The following CSMD1 variants were observed in gnomAD, a reference collection of about 807,000 sequenced individuals.
The protein encoded by CSMD1 is CUB and Sushi multiple domains 1.
Under a neutral mutation model 417.5 loss-of-function variants are expected in CSMD1, and 213 were observed. The observed-to-expected ratio is 0.51, with a 90% CI of 0.46 to 0.57. CSMD1 has a LOEUF of 0.57. CSMD1 is among the 20% of genes least tolerant of loss of function. The pLI, the probability that CSMD1 is intolerant of heterozygous loss-of-function variation, is 0.00. For missense variants in CSMD1, 6,923 were observed against 4,529.7 expected, an observed-to-expected ratio of 1.53 and a Z score of -15.17; for synonymous variants, 2,862 against 1,736.8, an observed-to-expected ratio of 1.65 and a Z score of -16.11.
intron 7 of CSMD1, among the ~76,000 whole-genome samples, chr8:3,630,863 T>C (rs989501136): frequency 6.6e-6 from 1 of 152,098 alleles, no homozygotes; most frequent in African/African-American, 2.4e-5. Context: ...AGAGGAAACC[T>C]CAGTTGGTCT....
At chr8:3,469,089 C>T (rs1250917433) in intron 11 of CSMD1, 2 of 308,752 alleles carry the variant, frequency 6.5e-6, no homozygotes, top group Non-Finnish European at 1.2e-5. Context: ...ATCAACCATC[C>T]CATTTTCCTG....
chr8:4,408,752 G>T (rs17070157), intron 3 of CSMD1, among the ~76,000 whole-genome samples: 1 of 151,960 alleles, frequency 6.6e-6, no homozygotes, highest in African/African-American at 2.4e-5. Flanking sequence ...AGTATCTATT[G>T]TGCAGGTGAG....
chr8:3,494,554 T>TGATA (rs71199579), intron 10 of CSMD1, among the ~76,000 whole-genome samples: 3,740 of 145,688 alleles, frequency 0.026, 50 homozygotes, highest in Middle Eastern at 0.057. Context: ...ACAGATTAGA[T>TGATA]GATAGATAGA....
intron 49 of CSMD1, among the ~76,000 whole-genome samples, chr8:3,069,697 G>A (rs964574577): frequency 2.0e-5 from 3 of 152,152 alleles, no homozygotes; most frequent in African/African-American, 7.2e-5. Context: ...GGGGCAAACT[G>A]CTTGTAGATC....
chr8:4,953,697 T>C (rs1808896474), intron 1 of CSMD1, among the ~76,000 whole-genome samples: 1 of 152,202 alleles, frequency 6.6e-6, no homozygotes, highest in Non-Finnish European at 1.5e-5. Flanking sequence ...AATATGCTAT[T>C]TTTACATGTT....
intron 3 of CSMD1, among the ~76,000 whole-genome samples, chr8:4,114,600 C>T (rs1402137567): frequency 2.6e-5 from 4 of 152,004 alleles, no homozygotes; most frequent in East Asian, 1.9e-4. Context: ...AGGGATTCTT[C>T]GATGGACTTG....
At chr8:4,406,690 A>G (rs1805048948) in intron 3 of CSMD1, among the ~76,000 whole-genome samples, 1 of 152,284 alleles carries the variant, frequency 6.6e-6, no homozygotes, top group African/African-American at 2.4e-5. Flanking sequence ...AAACTACACA[A>G]AGAAAACTTT....
chr8:4,066,241 C>G (rs1010021175), intron 3 of CSMD1, among the ~76,000 whole-genome samples: 13 of 152,206 alleles, frequency 8.5e-5, no homozygotes, highest in Non-Finnish European at 1.5e-5. Context: ...CCTTCTTTGT[C>G]TCCTGTTCCC....
At chr8:4,606,948 C>T (rs879518576) in intron 2 of CSMD1, among the ~76,000 whole-genome samples, 26 of 152,290 alleles carry the variant, frequency 1.7e-4, no homozygotes, top group South Asian at 6.2e-4. Flanking sequence ...TATAATTCAT[C>T]CTTTTCTTTT....
intron 3 of CSMD1, among the ~76,000 whole-genome samples, chr8:4,390,662 C>A (rs974045660): frequency 2.6e-5 from 4 of 151,738 alleles, no homozygotes; most frequent in Admixed American, 2.0e-4. Context: ...GACAGGCACC[C>A]CCCACCACGC....
intron 5 of CSMD1, among the ~76,000 whole-genome samples, chr8:3,862,918 TTGTC>T (rs1378460488): frequency 6.6e-6 from 1 of 152,116 alleles, no homozygotes; most frequent in African/African-American, 2.4e-5. Context: ...CAAATTACAT[TTGTC>T]TGGGGATTTT....
chr8:4,155,032 C>T (rs1295960459), intron 3 of CSMD1, among the ~76,000 whole-genome samples: 1 of 152,204 alleles, frequency 6.6e-6, no homozygotes, highest in Non-Finnish European at 1.5e-5. Flanking sequence ...CATCACAGAA[C>T]CTAACACTGC....
At chr8:4,576,924 G>A (rs73500536) in intron 2 of CSMD1, among the ~76,000 whole-genome samples, 2,412 of 152,198 alleles carry the variant, frequency 0.016, 54 homozygotes, top group African/African-American at 0.055. Flanking sequence ...TGATTATTTA[G>A]ATTTACTTAT....
Position 4,903,486 on chromosome 8 carries a change from A to C in CSMD1, c.85+90846T>G, listed in dbSNP as rs549889074. On this transcript the variant is annotated intron_variant, in intron 1 of 69. Coordinates refer to ENST00000635120, the MANE Select transcript of CSMD1 (RefSeq NM_033225.6). ...CCAATTGTACAAATGTATATCGTTA[A>C]TGTTTTATGAGCTATGTTGTTTAAA... Among the ~76,000 whole-genome samples, 15 of 152,286 alleles carry C rather than the reference A, an allele frequency of 9.8e-5. No homozygotes were observed. The South Asian group carries it at 3.1e-3, about 32-fold the overall frequency.
At chr8:4,667,896 G>C (rs373176717) in intron 1 of CSMD1, among the ~76,000 whole-genome samples, 2 of 152,116 alleles carry the variant, frequency 1.3e-5, no homozygotes. Flanking sequence ...GAATTGAATA[G>C]CAGTGGTTAG....
In CSMD1 at chr8:3,282,683, G is replaced by A. The variant is rs148063785; in HGVS notation, c.4153+1461C>T. Among the ~76,000 whole-genome samples the A allele has an allele frequency of 3.9e-5, 6 of 152,264 alleles. No homozygotes were observed. In the East Asian group the frequency reaches 9.6e-4, roughly 24 times the overall value. On this transcript the variant is annotated intron_variant, in intron 26 of 69. Coordinates refer to ENST00000635120, the MANE Select transcript of CSMD1 (RefSeq NM_033225.6). Reference sequence around the variant, plus strand: ...TACCATGTACAAGTACTATTCCACAGGCACGTGTTTGCAAATCACTGTTCA... The same window carrying A: ...TACCATGTACAAGTACTATTCCACAAGCACGTGTTTGCAAATCACTGTTCA...
intron 3 of CSMD1, among the ~76,000 whole-genome samples, chr8:4,314,845 C>G (rs1003257565): frequency 6.6e-6 from 1 of 152,136 alleles, no homozygotes; most frequent in Non-Finnish European, 1.5e-5. Context: ...GAGGAGGGAG[C>G]TGCGACAAGC....
chr8:4,693,537 C>T (rs959987108), intron 1 of CSMD1, among the ~76,000 whole-genome samples: 7 of 152,280 alleles, frequency 4.6e-5, no homozygotes, highest in African/African-American at 1.7e-4. Context: ...TTTAATTTTA[C>T]ATTTTTTTAT....
intron 31 of CSMD1, among the ~76,000 whole-genome samples, chr8:3,204,743 C>G (rs573209657): frequency 2.0e-5 from 3 of 152,174 alleles, no homozygotes; most frequent in African/African-American, 7.2e-5. Flanking sequence ...TGAGTGCTGT[C>G]TCAGACATAA....
Sources: allele counts gnomAD v4.1 joint callset (sites outside exome capture counted in the v4.1 genomes callset), GRCh38; gene constraint gnomAD v4.1.1; transcripts MANE v1.5; gene names NCBI Gene and HGNC (gene_info 2026-07-23, HGNC 2026-07-21).